Variants in PDE10A observed in about 807,000 individuals in gnomAD.
PDE10A encodes the protein phosphodiesterase 10A.
PDE10A carries 39 observed loss-of-function variants against 97.7 expected under a neutral mutation model. That is an observed-to-expected ratio of 0.40 (90% confidence interval 0.31 to 0.52). The LOEUF (loss-of-function observed/expected upper bound fraction) is 0.52, where lower values mean the gene tolerates loss of function less well. PDE10A is among the 20% of genes least tolerant of loss of function. The pLI, the probability that PDE10A is intolerant of heterozygous loss-of-function variation, is 0.56. For synonymous variants in PDE10A, 371 were observed against 376.8 expected (o/e 0.98, Z 0.18); for missense variants, 731 against 1,047.8 (o/e 0.70, Z 4.17).
chr6:165,578,864 T>G (rs1785461583), intron 1 of PDE10A, among the ~76,000 whole-genome samples: 1 of 152,100 alleles, frequency 6.6e-6, no homozygotes, highest in Non-Finnish European at 1.5e-5. Flanking sequence ...CAGCTACACA[T>G]CAGTGGGATA....
At chr6:165,581,129 A>G (rs1027055710) in intron 1 of PDE10A, among the ~76,000 whole-genome samples, 1 of 152,246 alleles carries the variant, frequency 6.6e-6, no homozygotes, top group South Asian at 2.1e-4. Flanking sequence ...AACAGTTTCA[A>G]TTCTAACTTT....
At chr6:165,686,685 G>A (rs1562684413) in intron 1 of PDE10A, among the ~76,000 whole-genome samples, 1 of 152,184 alleles carries the variant, frequency 6.6e-6, no homozygotes, top group Non-Finnish European at 1.5e-5. Flanking sequence ...ACATTTTTTG[G>A]TAAGTGCATT....
chr6:165,966,163 G>T (rs1398736140), intron 1 of PDE10A, among the ~76,000 whole-genome samples: 1 of 152,192 alleles, frequency 6.6e-6, no homozygotes, highest in African/African-American at 2.4e-5. Flanking sequence ...TGAGGAAAGA[G>T]TGGGGATGTA....
At chr6:165,465,630 A>G (rs932466367) in intron 3 of PDE10A, among the ~76,000 whole-genome samples, 1 of 152,200 alleles carries the variant, frequency 6.6e-6, no homozygotes, top group Non-Finnish European at 1.5e-5. Context: ...GAAACTTACA[A>G]TCATAGTGGA....
intron 1 of PDE10A, among the ~76,000 whole-genome samples, chr6:165,634,644 G>A (rs971898026): frequency 5.3e-5 from 8 of 152,122 alleles, no homozygotes; most frequent in East Asian, 1.9e-4. Flanking sequence ...CAAAACACAC[G>A]CCACAAAAGT....
chr6:165,534,587 A>C (rs1049766979), intron 2 of PDE10A, among the ~76,000 whole-genome samples: 2 of 152,112 alleles, frequency 1.3e-5, no homozygotes, highest in Non-Finnish European at 2.9e-5. Context: ...ATACATTAAA[A>C]ATCCATTCAT....
intron 2 of PDE10A, among the ~76,000 whole-genome samples, chr6:165,522,328 T>C (rs1782176030): frequency 6.6e-6 from 1 of 152,050 alleles, no homozygotes; most frequent in African/African-American, 2.4e-5. Context: ...GATAGCAAAA[T>C]CTGGCAAAGA....
rs1202036279 is a variant in PDE10A at position 165,943,293 on chromosome 6, A to G, written c.-615+44236T>C. Among the ~76,000 whole-genome samples the G allele has an allele frequency of 1.9e-4, 17 of 91,722 alleles. 1 individual carries two copies. The highest frequency in any genetic ancestry group is 3.9e-4 in the Non-Finnish European group (17 of 43,710). The allele number at this position is 91,722 out of a possible 152,430, so 60.2% of individuals were successfully genotyped here. A position where few individuals can be genotyped will look rare whatever the true frequency, so the allele number is the denominator to read the frequency against. On this transcript the variant is annotated intron_variant, in intron 1 of 19. Transcript: ENST00000366882. ...AAGGAAGGAAAGAAAGAAAGAAAGA[A>G]GGAAAGAAAGAAAGAAGGAAGGAAG...
intron 1 of PDE10A, among the ~76,000 whole-genome samples, chr6:165,672,679 G>A (rs1790680220): frequency 1.3e-5 from 2 of 152,140 alleles, no homozygotes; most frequent in African/African-American, 2.4e-5. Flanking sequence ...CTTGTCTGCC[G>A]CTATGTGAGA....
At chr6:165,536,846 A>G (rs1227474179) in intron 2 of PDE10A, among the ~76,000 whole-genome samples, 3 of 151,932 alleles carry the variant, frequency 2.0e-5, no homozygotes, top group Non-Finnish European at 2.9e-5. Flanking sequence ...CGCTATTGGT[A>G]GGAATGTAAA....
At chr6:165,684,964 C>T (rs1791075120) in intron 1 of PDE10A, among the ~76,000 whole-genome samples, 2 of 152,086 alleles carry the variant, frequency 1.3e-5, no homozygotes, top group African/African-American at 2.4e-5. Context: ...TATGAATGGC[C>T]ATCTAGAAAT....
At chr6:165,665,105 A>C (rs1461317183), upstream of PDE10A, among the ~76,000 whole-genome samples, 1 of 152,216 alleles carries the variant, frequency 6.6e-6, no homozygotes, top group Non-Finnish European at 1.5e-5. Context: ...TGGACAAATT[A>C]AAAATCACAA....
In PDE10A at chr6:165,967,314, T is replaced by C. The variant is rs944157228; in HGVS notation, c.-615+20215A>G. ...GAGTTCCAGACCAGCCTGGCCATCA[T>C]GGTGAAACCCCACCTCTACTAAAAA... On this transcript the variant is annotated intron_variant, in intron 1 of 19. Transcript: ENST00000366882. 2.6e-5 allele frequency among the ~76,000 whole-genome samples: 4 copies of C among 152,218 alleles called. No homozygotes were observed. The East Asian group carries it at 7.7e-4, about 29-fold the overall frequency.
chr6:165,761,755 TGTTAA>T (rs1303851593), intron 1 of PDE10A, among the ~76,000 whole-genome samples: 2 of 152,038 alleles, frequency 1.3e-5, no homozygotes, highest in African/African-American at 4.8e-5. Context: ...ATTAATATTA[TGTTAA>T]AAGAAATATC....
At chr6:165,383,968 G>A (rs1785092097) in intron 17 of PDE10A, among the ~76,000 whole-genome samples, 1 of 152,074 alleles carries the variant, frequency 6.6e-6, no homozygotes, top group South Asian at 2.1e-4. Flanking sequence ...ACAGGGTTAA[G>A]ATACGGTCTG....
chr6:165,524,096 T>C (rs1782288286), intron 2 of PDE10A, among the ~76,000 whole-genome samples: 1 of 152,196 alleles, frequency 6.6e-6, no homozygotes, highest in East Asian at 1.9e-4. Flanking sequence ...CTCCCAGTTA[T>C]TCAGTTTTGG....
At chr6:165,512,633 A>T (rs1051862228) in intron 2 of PDE10A, among the ~76,000 whole-genome samples, 1 of 152,012 alleles carries the variant, frequency 6.6e-6, no homozygotes, top group Non-Finnish European at 1.5e-5. Flanking sequence ...GCTATACTGA[A>T]TAATGCTGCT....
chr6:165,699,934 G>A (rs184229173), intron 1 of PDE10A, among the ~76,000 whole-genome samples: 56 of 151,880 alleles, frequency 3.7e-4, no homozygotes, highest in Admixed American at 8.5e-4. Flanking sequence ...GGAAGAAGAA[G>A]AGCAAACAAA....
At chr6:165,943,218 A>AAGGAAGGAAG (rs1562809665) in intron 1 of PDE10A, among the ~76,000 whole-genome samples, 3 of 76,466 alleles carry the variant, frequency 3.9e-5, no homozygotes, top group African/African-American at 5.8e-5. Context: ...AAAGAAAGAA[A>AAGGAAGGAAG]GAAAGAAAGA....
Sources: gnomAD v4.1 joint callset for allele counts (sites outside exome capture counted in the v4.1 genomes callset) on GRCh38, gnomAD v4.1.1 for gene constraint, MANE v1.5 for transcripts, NCBI Gene and HGNC (gene_info 2026-07-23, HGNC 2026-07-21) for gene names.